EVC: variants seen among roughly 807,000 people sequenced by gnomAD.
The protein encoded by EVC is EvC ciliary complex subunit 1, also known as evC complex member EVC.
In EVC, 116 loss-of-function variants were observed where a neutral mutation model predicts 118.9. The ratio of observed to expected loss-of-function variants is 0.98; its 90% CI spans 0.84 to 1.14. The LOEUF (loss-of-function observed/expected upper bound fraction) is 1.14. EVC is among the 50% of genes most tolerant of loss of function. The pLI, the probability that EVC is intolerant of heterozygous loss-of-function variation, is 0.00. For missense variants in EVC, 1,401 were observed against 1,246.4 expected (o/e 1.12, Z -1.87); for synonymous variants, 619 against 534.7 (o/e 1.16, Z -2.18).
downstream of EVC, among the ~76,000 whole-genome samples, chr4:5,815,199 C>T (rs551927350): frequency 6.6e-6 from 1 of 152,136 alleles, no homozygotes; most frequent in South Asian, 2.1e-4. Context: ...CGTGGCTAAG[C>T]CCACTCCCGG....
Position 5,755,908 on chromosome 4 carries a change from A to G in EVC, c.1465-356A>G, listed in dbSNP as rs984339722. On this transcript the variant is annotated intron_variant, in intron 10 of 20. Transcript: ENST00000264956. This position sits in a 1 kb window ranked among gnomAD's most constrained non-coding sequence, Gnocchi z 4.1. ...TGACCTCCAATCGCCAGTCTGTGTC[A>G]CCCCTGCTGGGTTCCCATCAGTGGG... Among the ~76,000 whole-genome samples, 1 of 151,756 alleles carries G rather than the reference A, an allele frequency of 6.6e-6. No homozygotes were observed. The highest frequency in any genetic ancestry group is 1.5e-5 in the Non-Finnish European group (1 of 67,934).
At chr4:5,717,038 C>A (rs2151824345) in intron 1 of EVC, among the ~76,000 whole-genome samples, 1 of 152,246 alleles carries the variant, frequency 6.6e-6, no homozygotes, top group South Asian at 2.1e-4. Flanking sequence ...GAATCATTTT[C>A]TTGATTTCTT....
At chr4:5,800,150 G>C (rs982676368) in intron 15 of EVC, among the ~76,000 whole-genome samples, 1 of 152,106 alleles carries the variant, frequency 6.6e-6, no homozygotes, top group African/African-American at 2.4e-5. Flanking sequence ...TTTGAGACCA[G>C]CCTGGCCAAC....
downstream of EVC, among the ~76,000 whole-genome samples, chr4:5,816,926 GCCCAGGCAA>G (rs1199626074): frequency 1.1e-4 from 17 of 152,124 alleles, no homozygotes; most frequent in Non-Finnish European, 1.5e-5. Context: ...AGAACTCTGG[GCCCAGGCAA>G]CCCTAGAGAA....
At position 5,789,094 on chromosome 4, in the gene EVC, C is replaced by T. The variant is rs1712269815; in HGVS notation, c.1777-4514C>T. 6.6e-6 allele frequency among the ~76,000 whole-genome samples: 1 copy of T among 152,192 alleles called. No homozygotes were observed. The highest frequency in any genetic ancestry group is 2.4e-5 in the African/African-American group (1 of 41,440). ...CAAGATACACTTTAATTGGCAGTGA[C>T]TTTTCTCTGTTAGTGATACTGGAAA... On this transcript the variant is annotated intron_variant, in intron 12 of 20. Transcript: ENST00000264956. The surrounding 1 kb of genome is among the most constrained non-coding windows in gnomAD (Gnocchi z 4.3).
chr4:5,783,987 G>A (rs1051501616), intron 12 of EVC, among the ~76,000 whole-genome samples: 4 of 152,118 alleles, frequency 2.6e-5, no homozygotes, highest in African/African-American at 7.2e-5. Flanking sequence ...TAAGTTGATC[G>A]ATTAAGAAGA....
chr4:5,788,816 C>T (rs756821953), intron 12 of EVC, among the ~76,000 whole-genome samples: 22 of 152,302 alleles, frequency 1.4e-4, no homozygotes, highest in Middle Eastern at 3.4e-3. Context: ...GTTTAAGACA[C>T]GCTTGTCCAA....
chr4:5,827,584 A>T, the EVC span, among the ~76,000 whole-genome samples: 1 of 152,118 alleles, frequency 6.6e-6, no homozygotes, highest in Non-Finnish European at 1.5e-5. Flanking sequence ...ATGGCCACAC[A>T]CACAGAGCTC....
intron 1 of EVC, among the ~76,000 whole-genome samples, chr4:5,714,560 A>G (rs1188877342): frequency 6.8e-6 from 1 of 146,382 alleles, no homozygotes; most frequent in Admixed American, 6.9e-5. Context: ...AAGGAAGAGG[A>G]CTTAGCTCTG....
Position 5,748,518 on chromosome 4 carries a change from A to G in EVC, c.1098+212A>G, listed in dbSNP as rs1283798018. ...CATCCATCCACCCATTGACCCTTCC[A>G]TCCATCCATCCATCTACCCATCCAT... On this transcript the variant is annotated intron_variant, in intron 8 of 20. Coordinates refer to ENST00000264956, the MANE Select transcript of EVC (RefSeq NM_153717.3). Among the ~76,000 whole-genome samples the G allele has an allele frequency of 1.5e-4, 22 of 151,612 alleles. 2 individuals are homozygous for G. Among genetic ancestry groups the G allele is most frequent in the Admixed American group, 1.2e-3 (18 of 15,238 alleles).
In EVC at chr4:5,805,635, A is replaced by T. The variant is rs1274043076; in HGVS notation, c.2561+794A>T. On this transcript the variant is annotated intron_variant, in intron 17 of 20. Transcript: ENST00000264956. ...CAGAAAGTGTGAGGAGAGCCCAAGA[A>T]TCTGAATTTTAGCCGCACCTCTCCG... 3.3e-5 allele frequency among the ~76,000 whole-genome samples: 5 copies of T among 152,308 alleles called. No homozygotes were observed. In the East Asian group the frequency reaches 9.7e-4, roughly 29 times the overall value.
At chr4:5,752,175 C>T (rs80051657) in intron 8 of EVC, among the ~76,000 whole-genome samples, 4 of 152,062 alleles carry the variant, frequency 2.6e-5, no homozygotes, top group African/African-American at 4.8e-5. Context: ...GAGATGCCAA[C>T]GTCCGCCGTC....
intron 18 of EVC, among the ~76,000 whole-genome samples, chr4:5,809,212 C>G (rs1716492547): frequency 6.6e-6 from 1 of 152,288 alleles, no homozygotes; most frequent in Admixed American, 6.5e-5. Flanking sequence ...GAAGTGAGTC[C>G]CATCCTATTC....
Position 5,794,333 on chromosome 4 carries a change from ATT to A in EVC, c.1886+618_1886+619del, listed in dbSNP as rs201742600. ...TATATATTTATATATATTTATATAT[ATT>A]TATATACTTATATATATATTTATGT... On this transcript the variant is annotated intron_variant, in intron 13 of 20. Coordinates refer to ENST00000264956, the MANE Select transcript of EVC (RefSeq NM_153717.3). 6.7e-5 allele frequency among the ~76,000 whole-genome samples: 8 copies of A among 118,772 alleles called. No individual in the cohort carries two copies. The South Asian group carries it at 1.4e-3, about 20-fold the overall frequency. The allele number at this position is 118,772 out of a possible 152,430, so 77.9% of individuals were successfully genotyped here.
At chr4:5,796,747 C>T (rs1486633107) in intron 13 of EVC, among the ~76,000 whole-genome samples, 2 of 151,790 alleles carry the variant, frequency 1.3e-5, no homozygotes, top group Non-Finnish European at 2.9e-5. Flanking sequence ...TAGAGTCATG[C>T]CATTAATTCT....
At position 5,733,355 on chromosome 4, in the gene EVC, G is replaced by A; in HGVS notation, c.622G>A (p.Asp208Asn). 5 of 1,613,664 alleles carry A rather than the reference G, an allele frequency of 3.1e-6. No individual in the cohort carries two copies. Among genetic ancestry groups the A allele is most frequent in the Non-Finnish European group, 4.2e-6 (5 of 1,179,646 alleles). Residue 208 changes from aspartate (D) to asparagine (N), a missense_variant, in exon 5 of 21, where the codon GAC (aspartate) becomes AAC (asparagine). Asp to Asn is a conservative substitution (Grantham distance 23). Coordinates refer to ENST00000264956, the MANE Select transcript of EVC (RefSeq NM_153717.3). ...FPEVLACESVDVDLCIYSLHL... is the reference protein window; with the variant it reads ...FPEVLACESVNVDLCIYSLHL... ...GCTTCTCATTTTATTTTGCAGTGTA[G>A]ACGTTGACCTGTGTATCTACAGCCT... is the stretch of plus-strand genomic sequence containing the variant.
chr4:5,825,015 G>A, the EVC span: 1 of 985,042 alleles, frequency 1.0e-6, no homozygotes, highest in African/African-American at 1.7e-5. This position sits in a 1 kb window ranked among gnomAD's most constrained non-coding sequence, Gnocchi z 4.4. Context: ...AAATAAATAG[G>A]GTATAATGTT....
rs527748916 is a variant in EVC, at chr4:5,732,917, G to A, written c.618-434G>A. On this transcript the variant is annotated intron_variant, in intron 4 of 20. Transcript: ENST00000264956. ...CCGAGCTACACGGGAGGCTGAGGTG[G>A]GAGGATTGCTTGAGCCCGGGAGGTG... is the stretch of plus-strand genomic sequence containing the variant. Among the ~76,000 whole-genome samples, 156 of 152,324 alleles carry A rather than the reference G, an allele frequency of 1.0e-3. 1 individual carries two copies. Among genetic ancestry groups the A allele is most frequent in the African/African-American group, 3.4e-3 (140 of 41,566 alleles).
intron 16 of EVC, among the ~76,000 whole-genome samples, chr4:5,803,426 C>T (rs1324298404): frequency 6.6e-6 from 1 of 152,218 alleles, no homozygotes; most frequent in Non-Finnish European, 1.5e-5. Context: ...GAGTTGGGCT[C>T]ATTTAGCAGG....
Sources: allele counts gnomAD v4.1 joint callset (sites outside exome capture counted in the v4.1 genomes callset), GRCh38; gene constraint gnomAD v4.1.1; non-coding constraint Gnocchi (gnomAD v3.1); transcripts MANE v1.5; gene names NCBI Gene and HGNC (gene_info 2026-07-23, HGNC 2026-07-21).